The following SLC16A10 variants were observed in gnomAD, a reference collection of about 807,000 sequenced individuals.
The protein encoded by SLC16A10 is monocarboxylate transporter 10.
In SLC16A10, 27 loss-of-function variants were observed where a neutral mutation model predicts 40.0. That is an observed-to-expected ratio of 0.67 (90% CI 0.50 to 0.93). The LOEUF is 0.93. Ranked by LOEUF, SLC16A10 falls within the 40% of genes least tolerant of loss-of-function variation. The pLI is 0.00. For missense variants in SLC16A10, 529 were observed against 658.2 expected (o/e 0.80, Z 2.15); for synonymous variants, 213 against 249.8 (o/e 0.85, Z 1.39).
In SLC16A10 at chr6:111,177,305, T is replaced by C. The variant is rs1772704211; in HGVS notation, c.582T>C (p.Tyr194=). ...CTTCATTGGTCATTTTGGGACACTA[T>C]TTCAAGAAGCGCCTTGGACTGGTGA... ...YQPSLVILGH[Y]FKKRLGLVNG... is the part of the protein sequence containing the mutation. Residue 194 remains tyrosine, a synonymous_variant, in exon 3 of 6, where the codon TAT becomes TAC. Coordinates refer to ENST00000368851, the MANE Select transcript of SLC16A10 (RefSeq NM_018593.5). 1 of 1,612,498 alleles carries C rather than the reference T, an allele frequency of 6.2e-7. No homozygotes were observed. Among genetic ancestry groups the C allele is most frequent in the Non-Finnish European group, 8.5e-7 (1 of 1,179,494 alleles).
At chr6:111,091,719 T>G (rs1770978660) in intron 1 of SLC16A10, among the ~76,000 whole-genome samples, 1 of 152,122 alleles carries the variant, frequency 6.6e-6, no homozygotes, top group Non-Finnish European at 1.5e-5. Flanking sequence ...CTGTTAACTC[T>G]TCCCACGCAA....
chr6:111,154,382 T>C (rs190202376), intron 1 of SLC16A10, among the ~76,000 whole-genome samples: 3 of 152,320 alleles, frequency 2.0e-5, no homozygotes, highest in Middle Eastern at 3.4e-3. Context: ...TGACATAGTA[T>C]ATGTTGTTAA....
At chr6:111,127,513 GATGTGTCT>G (rs1771697328) in intron 1 of SLC16A10, among the ~76,000 whole-genome samples, 1 of 152,182 alleles carries the variant, frequency 6.6e-6, no homozygotes, top group Non-Finnish European at 1.5e-5. Context: ...GCAGGGGAGT[GATGTGTCT>G]TATTTTGGGC....
At chr6:111,209,532 G>A (rs1363991571) in intron 4 of SLC16A10, among the ~76,000 whole-genome samples, 2 of 152,146 alleles carry the variant, frequency 1.3e-5, no homozygotes, top group Non-Finnish European at 2.9e-5. Flanking sequence ...TTTTTGCCAT[G>A]TTGTTTGTGA....
chr6:111,119,150 T>C (rs1049508418), intron 1 of SLC16A10, among the ~76,000 whole-genome samples: 1 of 152,212 alleles, frequency 6.6e-6, no homozygotes, highest in Admixed American at 6.5e-5. Flanking sequence ...TCTCCTCAGA[T>C]CCTATTTGGA....
intron 1 of SLC16A10, among the ~76,000 whole-genome samples, chr6:111,147,910 T>C (rs1772107503): frequency 6.6e-6 from 1 of 152,234 alleles, no homozygotes; most frequent in Non-Finnish European, 1.5e-5. Flanking sequence ...GTGTTTGTGA[T>C]TGGCAGGTTT....
chr6:111,142,445 A>T (rs995905309), intron 1 of SLC16A10, among the ~76,000 whole-genome samples: 1 of 152,250 alleles, frequency 6.6e-6, no homozygotes, highest in South Asian at 2.1e-4. Flanking sequence ...CAAGAGAATG[A>T]GAAGACTTGG....
intron 2 of SLC16A10, 40 bp from the exon 3 acceptor site, chr6:111,177,172 A>G (rs1383768109): frequency 4.5e-6 from 6 of 1,345,174 alleles, no homozygotes; most frequent in Non-Finnish European, 5.9e-6. Flanking sequence ...CACAGTAACA[A>G]TATTGAAAGC....
At position 111,193,350 on chromosome 6, in the gene SLC16A10, A is replaced by G. The variant is rs56233327; in HGVS notation, c.943-13242A>G. 351 of 985,092 alleles carry G rather than the reference A, an allele frequency of 3.6e-4. 3 individuals carry two copies. In the African/African-American group the frequency reaches 5.6e-3, roughly 16 times the overall value. The allele number at this position is 985,092 out of a possible 1,614,324, so 61.0% of individuals were successfully genotyped here. ...GTTAGTGACAATTTGCCCATTTATC[A>G]GTTTTGTGCCTTAGGCAGTATTCAC... On this transcript the variant is annotated intron_variant, in intron 3 of 5. Coordinates refer to ENST00000368851, the MANE Select transcript of SLC16A10 (RefSeq NM_018593.5).
chr6:111,094,847 C>T (rs1049134364), intron 1 of SLC16A10, among the ~76,000 whole-genome samples: 1 of 152,160 alleles, frequency 6.6e-6, no homozygotes, highest in Non-Finnish European at 1.5e-5. Context: ...TGCTATTTTG[C>T]TCAGCCTTGT....
intron 1 of SLC16A10, among the ~76,000 whole-genome samples, chr6:111,121,095 A>G (rs1026549967): frequency 4.6e-5 from 7 of 152,196 alleles, no homozygotes; most frequent in African/African-American, 1.7e-4. Flanking sequence ...GAAATTTTGG[A>G]ATATACAATA....
intron 1 of SLC16A10, among the ~76,000 whole-genome samples, chr6:111,102,961 G>A (rs1771215348): frequency 6.6e-6 from 1 of 152,058 alleles, no homozygotes; most frequent in Non-Finnish European, 1.5e-5. Flanking sequence ...GAGTACATAC[G>A]GTTGCACGCT....
Position 111,197,005 on chromosome 6 carries a change from A to G in SLC16A10, c.943-9587A>G, listed in dbSNP as rs548370384. ...CTGAAATAAGAATAAGAAAAGGAGC[A>G]GTTGGGATAGACAATATCAGAAGTA... is the stretch of plus-strand genomic sequence containing the variant. On this transcript the variant is annotated intron_variant, in intron 3 of 5. Transcript: ENST00000368851. 9.8e-5 allele frequency among the ~76,000 whole-genome samples: 15 copies of G among 152,338 alleles called. No homozygotes were observed. In the South Asian group the frequency reaches 3.1e-3, roughly 32 times the overall value.
intron 2 of SLC16A10, among the ~76,000 whole-genome samples, 191 bp from the exon 3 acceptor site, chr6:111,177,021 G>A (rs895982758): frequency 2.6e-5 from 4 of 151,022 alleles, no homozygotes; most frequent in Admixed American, 6.6e-5. Context: ...ATTAAAATAC[G>A]TTTAGTGCTA....
intron 1 of SLC16A10, among the ~76,000 whole-genome samples, chr6:111,100,609 G>T (rs536689119): frequency 1.3e-5 from 2 of 152,076 alleles, no homozygotes; most frequent in South Asian, 4.2e-4. Flanking sequence ...GGATGATCTC[G>T]ATATCTTGAC....
In SLC16A10 at chr6:111,227,163, A is replaced by G. The variant is rs922355100; in HGVS notation, c.*4928A>G. The G allele has an allele frequency of 1.3e-5, 2 of 152,240 alleles. No homozygotes were observed. Among genetic ancestry groups the G allele is most frequent in the Admixed American group, 6.5e-5 (1 of 15,280 alleles). The allele number at this position is 152,240 out of a possible 1,614,324, so 9.4% of individuals were successfully genotyped here. Reference sequence around the variant, plus strand: ...AAAAATTTGTTCTGCTCTACTATACATGCTGACTTTTGTTGATAGCTTGGT... The same window carrying G: ...AAAAATTTGTTCTGCTCTACTATACGTGCTGACTTTTGTTGATAGCTTGGT... On this transcript the variant is annotated 3_prime_UTR_variant, in exon 6 of 6. Transcript: ENST00000368851.
chr6:111,139,670 A>G (rs2114500716), intron 1 of SLC16A10, among the ~76,000 whole-genome samples: 1 of 152,234 alleles, frequency 6.6e-6, no homozygotes, highest in East Asian at 1.9e-4. Context: ...TATGCATTCT[A>G]TCATTGATGG....
chr6:111,187,113 G>A (rs1331367611), intron 3 of SLC16A10, among the ~76,000 whole-genome samples: 1 of 152,024 alleles, frequency 6.6e-6, no homozygotes, highest in Non-Finnish European at 1.5e-5. Context: ...GAAAACCACA[G>A]GTTTCTTTTA....
chr6:111,160,999 G>C (rs914593115), intron 1 of SLC16A10, among the ~76,000 whole-genome samples: 1 of 152,060 alleles, frequency 6.6e-6, no homozygotes, highest in African/African-American at 2.4e-5. Context: ...AAGGCAGGTG[G>C]ATCACCTGAG....
Sources: allele counts gnomAD v4.1 joint callset (sites outside exome capture counted in the v4.1 genomes callset), GRCh38; gene constraint gnomAD v4.1.1; transcripts MANE v1.5; gene names NCBI Gene and HGNC (gene_info 2026-07-23, HGNC 2026-07-21).